ANOS1: variants seen among roughly 807,000 people sequenced by gnomAD.
ANOS1 encodes the protein anosmin-1.
A neutral mutation model predicts 59.0 loss-of-function variants in ANOS1; 6 were observed. The observed-to-expected ratio is 0.10, with a 90% CI of 0.06 to 0.20. The LOEUF (loss-of-function observed/expected upper bound fraction) is 0.20. ANOS1 is among the 10% of genes least tolerant of loss of function. The probability of loss-of-function intolerance (pLI) is 1.00; values close to 1 mark genes in which losing one functional copy is unlikely to be tolerated. For missense variants in ANOS1, 433 were observed against 542.3 expected (o/e 0.80, Z 2.00); for synonymous variants, 217 against 223.4 (o/e 0.97, Z 0.25).
intron 1 of ANOS1, among the ~76,000 whole-genome samples, chrX:8,718,668 G>A (rs1932855588): frequency 8.9e-6 from 1 of 111,907 alleles, no homozygotes; most frequent in South Asian, 3.8e-4. Context: ...CTGCCTTTAT[G>A]TGGGTCATTC....
chrX:8,614,378 G>T (rs1382768614), intron 3 of ANOS1, among the ~76,000 whole-genome samples: 1 of 111,827 alleles, frequency 8.9e-6, no homozygotes, highest in East Asian at 2.8e-4. Flanking sequence ...AAAGTTGCAT[G>T]TATTTGGTCT....
chrX:8,672,145 T>C (rs1932265509), intron 2 of ANOS1, among the ~76,000 whole-genome samples: 1 of 108,735 alleles, frequency 9.2e-6, no homozygotes, highest in African/African-American at 3.5e-5. Flanking sequence ...TGACTGGCTT[T>C]ACATATACAC....
In ANOS1 at chrX:8,623,453, AT is replaced by A. The variant is rs1164547453; in HGVS notation, c.318+154del. On this transcript the variant is annotated intron_variant, in intron 3 of 13. Coordinates refer to ENST00000262648, the MANE Select transcript of ANOS1 (RefSeq NM_000216.4). ...TAGCCAGGTTTTAAGAAGGCTCTATATTTTTTACATGAATTTACGTATATCC... is the reference window on the plus strand; with the variant it reads ...TAGCCAGGTTTTAAGAAGGCTCTATATTTTTACATGAATTTACGTATATCC... Among the ~76,000 whole-genome samples the A allele has an allele frequency of 5.4e-5, 6 of 110,408 alleles. No individual in the cohort carries two copies. In the East Asian group the frequency reaches 1.4e-3, roughly 26 times the overall value.
chrX:8,572,799 A>G (rs1295209891), intron 6 of ANOS1, among the ~76,000 whole-genome samples: 1 of 111,626 alleles, frequency 9.0e-6, no homozygotes. Flanking sequence ...CTTATATGAA[A>G]CACACAGGTA....
At chrX:8,701,019 A>C (rs986331482) in intron 1 of ANOS1, among the ~76,000 whole-genome samples, 61 of 112,008 alleles carry the variant, frequency 5.4e-4, no homozygotes, top group African/African-American at 1.7e-3. Flanking sequence ...CAAAAAAATA[A>C]ATAAATAAAT....
At chrX:8,640,238 G>T (rs1011684668) in intron 2 of ANOS1, among the ~76,000 whole-genome samples, 4 of 111,068 alleles carry the variant, frequency 3.6e-5, no homozygotes, top group African/African-American at 1.3e-4. Flanking sequence ...TGTGGGCCTA[G>T]TTGAGGGTCA....
At chrX:8,690,614 A>G (rs1322551130) in intron 2 of ANOS1, among the ~76,000 whole-genome samples, 1 of 111,738 alleles carries the variant, frequency 8.9e-6, no homozygotes, top group Admixed American at 9.6e-5. Context: ...TACCACATAA[A>G]TCACAGAAAG....
At chrX:8,594,005 C>T (rs1010770628) in intron 4 of ANOS1, among the ~76,000 whole-genome samples, 8 of 111,289 alleles carry the variant, frequency 7.2e-5, no homozygotes, top group African/African-American at 2.6e-4. Flanking sequence ...TGAGTGTTTC[C>T]ATTAGAGATC....
At chrX:8,550,380 A>G (rs1462165986) in intron 9 of ANOS1, among the ~76,000 whole-genome samples, 1 of 112,017 alleles carries the variant, frequency 8.9e-6, no homozygotes, top group African/African-American at 3.2e-5. Context: ...CCATGTTTGT[A>G]GATTGGAACA....
chrX:8,607,787 A>G (rs1930967921), intron 3 of ANOS1, among the ~76,000 whole-genome samples: 1 of 106,515 alleles, frequency 9.4e-6, no homozygotes, highest in African/African-American at 3.5e-5. Context: ...TAGGAATTTA[A>G]TGGTGAACAG....
chrX:8,722,067 T>C (rs950743905), intron 1 of ANOS1, among the ~76,000 whole-genome samples: 4 of 112,164 alleles, frequency 3.6e-5, no homozygotes, highest in African/African-American at 1.3e-4. Flanking sequence ...GGGCTGAACT[T>C]GTCTGTTTAC....
intron 6 of ANOS1, among the ~76,000 whole-genome samples, chrX:8,579,933 C>T (rs941549956): frequency 8.9e-5 from 10 of 112,149 alleles, no homozygotes; most frequent in Admixed American, 4.7e-4. Flanking sequence ...CTACCTACCA[C>T]ATTCTTGGAT....
chrX:8,529,598 G>T lies in ANOS1; in HGVS notation c.*3397C>A, dbSNP rs1244631716. The T allele has an allele frequency of 1.8e-5, 2 of 111,989 alleles. No individual in the cohort carries two copies. The highest frequency in any genetic ancestry group is 3.8e-5 in the Non-Finnish European group (2 of 53,233). The allele number at this position is 111,989 out of a possible 1,213,427, so 9.2% of individuals were successfully genotyped here. ...CAAAATTCCGTCTTTTAATCAAGTT[G>T]TTTAGTGGACATAAAAAACACAGTT... On this transcript the variant is annotated 3_prime_UTR_variant, in exon 14 of 14. Coordinates refer to ENST00000262648, the MANE Select transcript of ANOS1 (RefSeq NM_000216.4).
intron 1 of ANOS1, among the ~76,000 whole-genome samples, chrX:8,712,847 T>A (rs1437434270): frequency 8.9e-6 from 1 of 112,257 alleles, no homozygotes; most frequent in Non-Finnish European, 1.9e-5. Context: ...AATGAGGTGA[T>A]TTGGCCAAGC....
At chrX:8,556,788 A>C (rs1929956836) in intron 8 of ANOS1, among the ~76,000 whole-genome samples, 1 of 112,264 alleles carries the variant, frequency 8.9e-6, no homozygotes, top group South Asian at 3.7e-4. Context: ...ATTCCCATCA[A>C]GCTACCATTG....
intron 6 of ANOS1, among the ~76,000 whole-genome samples, chrX:8,575,930 C>T (rs1407952673): frequency 9.1e-6 from 1 of 110,400 alleles, no homozygotes; most frequent in Admixed American, 9.7e-5. Flanking sequence ...AGAGAAAGAC[C>T]CTGTCTCTAC....
intron 9 of ANOS1, among the ~76,000 whole-genome samples, chrX:8,553,136 T>A (rs1451447512): frequency 9.2e-6 from 1 of 108,839 alleles, no homozygotes; most frequent in East Asian, 2.9e-4. Context: ...GTGATAAAGA[T>A]AAAAGACTGT....
chrX:8,717,294 T>C (rs754080488), intron 1 of ANOS1, among the ~76,000 whole-genome samples: 17 of 112,186 alleles, frequency 1.5e-4, no homozygotes, highest in Non-Finnish European at 3.0e-4. Context: ...GTTTAAAACA[T>C]TGCAAAAATC....
intron 3 of ANOS1, among the ~76,000 whole-genome samples, chrX:8,623,030 TGATGGATGGATGGATGGATGGATG>T (rs34949507): frequency 7.8e-5 from 8 of 102,389 alleles, no homozygotes; most frequent in African/African-American, 2.9e-4. Context: ...GATGGATGGA[TGATGGATGGATGGATGGATGGATG>T]GATGGATGGA....
Sources: allele counts gnomAD v4.1 joint callset (sites outside exome capture counted in the v4.1 genomes callset), GRCh38; gene constraint gnomAD v4.1.1; transcripts MANE v1.5; gene names NCBI Gene and HGNC (gene_info 2026-07-23, HGNC 2026-07-21).